SLC9B1: variants seen among roughly 807,000 people sequenced by gnomAD.
SLC9B1 encodes the protein solute carrier family 9 member B1, also known as sodium/hydrogen exchanger 9B1.
Under a neutral mutation model 51.7 loss-of-function variants are expected in SLC9B1, and 32 were observed. The ratio of observed to expected loss-of-function variants is 0.62; its 90% CI spans 0.47 to 0.83. The LOEUF (loss-of-function observed/expected upper bound fraction) is 0.83. Among genes scored for constraint, SLC9B1 ranks in the 40% least tolerant of loss-of-function variants. SLC9B1 has a pLI of 0.00. For missense variants in SLC9B1, 406 were observed against 613.2 expected, an observed-to-expected ratio of 0.66 and a Z score of 3.57; for synonymous variants, 145 against 212.7, an observed-to-expected ratio of 0.68 and a Z score of 2.77.
At chr4:102,996,411 T>C (rs529691894) in intron 1 of SLC9B1, among the ~76,000 whole-genome samples, 2 of 152,228 alleles carry the variant, frequency 1.3e-5, no homozygotes, top group Non-Finnish European at 2.9e-5. Context: ...TTCCTTTCTT[T>C]ATCCTTAGAG....
chr4:102,930,802 G>A (rs1446142322), intron 7 of SLC9B1, among the ~76,000 whole-genome samples: 1 of 152,134 alleles, frequency 6.6e-6, no homozygotes, highest in African/African-American at 2.4e-5. Context: ...AACAGGATAA[G>A]TAATTATGAT....
chr4:102,975,767 C>T (rs953795568), intron 3 of SLC9B1, among the ~76,000 whole-genome samples: 35 of 151,088 alleles, frequency 2.3e-4, no homozygotes, highest in African/African-American at 8.0e-4. Context: ...TGGGGTTTCA[C>T]CATGTTGGCC....
At chr4:102,922,540 A>C (rs1346256977) in intron 7 of SLC9B1, among the ~76,000 whole-genome samples, 1 of 152,214 alleles carries the variant, frequency 6.6e-6, no homozygotes, top group African/African-American at 2.4e-5. Flanking sequence ...AGCCAGCAGA[A>C]GGCAAAAAAT....
At chr4:103,016,134 C>CAAAAAAAAAGAAA (rs1741311806) in intron 1 of SLC9B1, among the ~76,000 whole-genome samples, 1 of 49,640 alleles carries the variant, frequency 2.0e-5, no homozygotes, top group African/African-American at 9.3e-5. Flanking sequence ...AACTCTGTCT[C>CAAAAAAAAAGAAA]AAAAAAAAAA....
At chr4:102,927,442 G>C (rs1736242672) in intron 7 of SLC9B1, among the ~76,000 whole-genome samples, 1 of 152,196 alleles carries the variant, frequency 6.6e-6, no homozygotes, top group Non-Finnish European at 1.5e-5. Context: ...CTCCAAAGTA[G>C]ACATCTATGC....
chr4:102,970,689 T>G (rs1232750708), intron 3 of SLC9B1, among the ~76,000 whole-genome samples: 1 of 152,138 alleles, frequency 6.6e-6, no homozygotes, highest in African/African-American at 2.4e-5. Flanking sequence ...AGACACAGAC[T>G]GGCAAACTGG....
intron 3 of SLC9B1, among the ~76,000 whole-genome samples, chr4:102,957,387 T>C (rs1279179309): frequency 6.6e-6 from 1 of 152,142 alleles, no homozygotes; most frequent in Non-Finnish European, 1.5e-5. Context: ...ATAGTCAAAT[T>C]GGTGAAAACC....
chr4:102,960,630 G>A (rs1166437165), intron 3 of SLC9B1, among the ~76,000 whole-genome samples: 2 of 151,888 alleles, frequency 1.3e-5, no homozygotes, highest in East Asian at 1.9e-4. Context: ...CTTAAATTCC[G>A]ATACACATCT....
rs1170049563 is a variant in SLC9B1, at chr4:102,885,508, GTTCT to G, written c.1333-184_1333-181del. 1.7e-5 allele frequency: 19 copies of G among 1,121,238 alleles called. 1 individual carries two copies. The highest frequency in any genetic ancestry group is 2.6e-4 in the Middle Eastern group (1 of 3,900). 69.5% of individuals were successfully genotyped at this position (1,121,238 alleles called of 1,614,324 possible). ...CGCCTCTTAAATCCCCAGTTTTGAA[GTTCT>G]TTAAGATGAGAGAATTTTCTGTAAT... is the stretch of plus-strand genomic sequence containing the variant. On this transcript the variant is annotated intron_variant, in intron 11 of 11. Transcript: ENST00000394789.
chr4:102,970,414 A>T (rs1738693025), intron 3 of SLC9B1, among the ~76,000 whole-genome samples: 1 of 152,208 alleles, frequency 6.6e-6, no homozygotes. Flanking sequence ...GGAGAAATAA[A>T]ATCCTTTACA....
At chr4:102,997,758 G>A (rs556279917) in intron 1 of SLC9B1, among the ~76,000 whole-genome samples, 1 of 151,970 alleles carries the variant, frequency 6.6e-6, no homozygotes, top group African/African-American at 2.4e-5. Context: ...ATCTGTTGGC[G>A]ATAAATTCCT....
intron 6 of SLC9B1, among the ~76,000 whole-genome samples, chr4:102,938,686 C>T (rs778470018): frequency 1.1e-4 from 16 of 152,116 alleles, no homozygotes; most frequent in South Asian, 8.3e-4. Flanking sequence ...CTCTTGGACC[C>T]GCAGTGTAAT....
At chr4:102,892,546 A>C (rs1466889277) in intron 11 of SLC9B1, 4 of 152,240 alleles carry the variant, frequency 2.6e-5, no homozygotes, top group Non-Finnish European at 5.9e-5. Context: ...ACATCACTCT[A>C]ACTTTCCTTT....
At chr4:102,907,813 A>C (rs567618047) in intron 9 of SLC9B1, among the ~76,000 whole-genome samples, 1 of 137,036 alleles carries the variant, frequency 7.3e-6, no homozygotes, top group East Asian at 2.2e-4. Flanking sequence ...AAAGAAAAAC[A>C]AAGAAAAACA....
intron 11 of SLC9B1, among the ~76,000 whole-genome samples, chr4:102,903,847 A>G (rs1483033061): frequency 3.3e-5 from 5 of 152,162 alleles, no homozygotes; most frequent in African/African-American, 7.2e-5. Context: ...GTTAAGTGCC[A>G]GGGAGAAATA....
At chr4:102,923,872 G>A (rs1357401893) in intron 7 of SLC9B1, among the ~76,000 whole-genome samples, 2 of 152,140 alleles carry the variant, frequency 1.3e-5, no homozygotes, top group African/African-American at 4.8e-5. Flanking sequence ...CCTCTTCAAG[G>A]AGAACTACAA....
intron 7 of SLC9B1, among the ~76,000 whole-genome samples, chr4:102,918,400 A>T (rs1735695734): frequency 1.3e-5 from 2 of 152,230 alleles, no homozygotes; most frequent in African/African-American, 4.8e-5. Flanking sequence ...TGAATCAGGA[A>T]TCAAAAACCT....
At chr4:102,898,742 T>A (rs111284793), downstream of SLC9B1, among the ~76,000 whole-genome samples, 480 of 152,350 alleles carry the variant, frequency 3.2e-3, 5 homozygotes, top group Middle Eastern at 0.017. Context: ...TATTTTATTT[T>A]TTTGAGACGG....
At chr4:102,904,527 T>A (rs1265998241) in intron 11 of SLC9B1, among the ~76,000 whole-genome samples, 1 of 152,160 alleles carries the variant, frequency 6.6e-6, no homozygotes, top group African/African-American at 2.4e-5. Flanking sequence ...TTCAAAAGAA[T>A]TGCTTTTAAA....
Sources: gnomAD v4.1 joint callset for allele counts (sites outside exome capture counted in the v4.1 genomes callset) on GRCh38, gnomAD v4.1.1 for gene constraint, MANE v1.5 for transcripts, NCBI Gene and HGNC (gene_info 2026-07-23, HGNC 2026-07-21) for gene names.